FMN1: variants seen among roughly 807,000 people sequenced by gnomAD.
The protein encoded by FMN1 is formin 1, also known as formin-1.
Under a neutral mutation model 132.4 loss-of-function variants are expected in FMN1, and 110 were observed. The ratio of observed to expected loss-of-function variants is 0.83; its 90% CI spans 0.71 to 0.97. The LOEUF (loss-of-function observed/expected upper bound fraction) is 0.97, where lower values mean the gene tolerates loss of function less well. FMN1 is among the 50% of genes least tolerant of loss of function. FMN1 has a pLI of 0.00. For missense variants in FMN1, 1,792 were observed against 1,705.3 expected (o/e 1.05, Z -0.90); for synonymous variants, 722 against 651.7 (o/e 1.11, Z -1.64).
intron 5 of FMN1, among the ~76,000 whole-genome samples, chr15:33,083,223 T>C (rs2038555708): frequency 6.6e-6 from 1 of 152,240 alleles, no homozygotes; most frequent in Non-Finnish European, 1.5e-5. Flanking sequence ...GTAGTAATAA[T>C]ATTTGGATAT....
At chr15:32,921,370 G>C (rs1334526241) in intron 10 of FMN1, among the ~76,000 whole-genome samples, 2 of 152,176 alleles carry the variant, frequency 1.3e-5, no homozygotes, top group African/African-American at 2.4e-5. Context: ...TAGTTGGCTA[G>C]AGTGCAGTGA....
At chr15:33,151,185 A>G in intron 4 of FMN1, 1 of 1,513,258 alleles carries the variant, frequency 6.6e-7, no homozygotes. Context: ...AAGTAGGGCC[A>G]ATAGGAGGTA....
At chr15:33,171,831 T>G (rs1299465920) in intron 3 of FMN1, among the ~76,000 whole-genome samples, 1 of 152,234 alleles carries the variant, frequency 6.6e-6, no homozygotes, top group Admixed American at 6.5e-5. Context: ...TGTGATCACT[T>G]ATACAACTGT....
chr15:32,846,934 G>T (rs965712429), intron 17 of FMN1, among the ~76,000 whole-genome samples: 11 of 152,254 alleles, frequency 7.2e-5, no homozygotes, highest in African/African-American at 2.6e-4. Flanking sequence ...CTAATGAAAT[G>T]TGAAAAGGGT....
intron 6 of FMN1, chr15:33,012,387 C>G (rs2034779145): frequency 2.2e-6 from 2 of 907,938 alleles, no homozygotes; most frequent in Admixed American, 3.4e-5. Context: ...AGAGAGCTGT[C>G]TAAGAAGATT....
chr15:32,971,159 A>C (rs2031755664), intron 7 of FMN1, among the ~76,000 whole-genome samples: 1 of 152,258 alleles, frequency 6.6e-6, no homozygotes, highest in Non-Finnish European at 1.5e-5. Context: ...GGACTTTTAT[A>C]AAAGTAAAAT....
At chr15:32,991,577 T>C (rs1412598333) in intron 7 of FMN1, among the ~76,000 whole-genome samples, 1 of 152,196 alleles carries the variant, frequency 6.6e-6, no homozygotes, top group African/African-American at 2.4e-5. Flanking sequence ...GGGCTGTCTC[T>C]TGATGCTGGT....
intron 5 of FMN1, among the ~76,000 whole-genome samples, chr15:33,073,573 G>A (rs2038080279): frequency 6.6e-6 from 1 of 152,104 alleles, no homozygotes; most frequent in African/African-American, 2.4e-5. Context: ...GAACAAGAGG[G>A]GAGAGCTGAG....
chr15:33,012,885 T>C (rs956495836), intron 6 of FMN1: 1 of 581,128 alleles, frequency 1.7e-6, no homozygotes, highest in South Asian at 1.4e-5. Flanking sequence ...CTGGAGGTGG[T>C]GGAAGCTACA....
chr15:32,967,057 C>T (rs2031307126), intron 8 of FMN1, among the ~76,000 whole-genome samples: 1 of 152,218 alleles, frequency 6.6e-6, no homozygotes, highest in Admixed American at 6.5e-5. Flanking sequence ...GCGCACCAAG[C>T]AGGGCTCTCT....
chr15:32,865,099 G>A (rs899275711), intron 16 of FMN1, among the ~76,000 whole-genome samples: 1 of 152,290 alleles, frequency 6.6e-6, no homozygotes, highest in Middle Eastern at 3.4e-3. Flanking sequence ...AGGACTAGGA[G>A]AGAAAGAGGG....
chr15:33,024,756 A>ATAT (rs1373651637), intron 6 of FMN1, among the ~76,000 whole-genome samples: 8 of 152,196 alleles, frequency 5.3e-5, no homozygotes, highest in Admixed American at 1.3e-4. Flanking sequence ...ATTAATACAA[A>ATAT]TATTAAAAAG....
chr15:32,809,693 G>A (rs2057806054), intron 17 of FMN1, among the ~76,000 whole-genome samples: 1 of 151,814 alleles, frequency 6.6e-6, no homozygotes, highest in Non-Finnish European at 1.5e-5. Flanking sequence ...CTCCTCTGAG[G>A]GGCCCTCCAT....
chr15:32,857,380 G>C (rs2059158868), intron 16 of FMN1, among the ~76,000 whole-genome samples: 3 of 152,160 alleles, frequency 2.0e-5, no homozygotes, highest in Admixed American at 1.3e-4. Context: ...AAAAGTCTCT[G>C]ACCTGGGATA....
At chr15:32,853,278 G>C (rs1006278786) in intron 17 of FMN1, among the ~76,000 whole-genome samples, 2 of 152,108 alleles carry the variant, frequency 1.3e-5, no homozygotes, top group Admixed American at 6.5e-5. Context: ...CTTCCTCTCT[G>C]ATTCTATATG....
chr15:32,817,952 CCTG>C (rs1388802957), intron 17 of FMN1, among the ~76,000 whole-genome samples: 1 of 152,052 alleles, frequency 6.6e-6, no homozygotes, highest in Non-Finnish European at 1.5e-5. Flanking sequence ...TCACTTTTTC[CCTG>C]CTTTTTATCA....
chr15:33,091,255 G>C (rs1484702993), intron 4 of FMN1, among the ~76,000 whole-genome samples: 1 of 152,096 alleles, frequency 6.6e-6, no homozygotes, highest in Non-Finnish European at 1.5e-5. Flanking sequence ...ATAACAACAA[G>C]GATTTGGGGT....
chr15:32,825,416 G>T (rs1338435037), intron 17 of FMN1, among the ~76,000 whole-genome samples: 1 of 152,186 alleles, frequency 6.6e-6, no homozygotes, highest in Non-Finnish European at 1.5e-5. Flanking sequence ...CCTCAGGGCT[G>T]CCAATCATGG....
chr15:33,092,311 C>T (rs1205641130), intron 4 of FMN1, among the ~76,000 whole-genome samples: 1 of 152,118 alleles, frequency 6.6e-6, no homozygotes, highest in African/African-American at 2.4e-5. Context: ...GTCCACAGCT[C>T]ATCTTTCCAA....
Sources: gnomAD v4.1 joint callset for allele counts (sites outside exome capture counted in the v4.1 genomes callset) on GRCh38, gnomAD v4.1.1 for gene constraint, MANE v1.5 for transcripts, NCBI Gene and HGNC (gene_info 2026-07-23, HGNC 2026-07-21) for gene names.